The following PARG variants were observed in gnomAD, a reference collection of about 807,000 sequenced individuals.
PARG encodes the protein poly(ADP-ribose) glycohydrolase, also known as mitochondrial poly(ADP-ribose) glycohydrolase.
A neutral mutation model predicts 113.0 loss-of-function variants in PARG; 35 were observed. The ratio of observed to expected loss-of-function variants is 0.31; its 90% CI spans 0.24 to 0.41. PARG has a LOEUF of 0.41. Among genes scored for constraint, PARG ranks in the 10% least tolerant of loss-of-function variants. PARG has a pLI of 1.00. For synonymous variants in PARG, 330 were observed against 409.9 expected (o/e 0.81, Z 2.36); for missense variants, 797 against 1,169.4 (o/e 0.68, Z 4.64).
rs1423218939 is a variant in PARG at position 49,915,787 on chromosome 10, T to G, written c.1737+130A>C. On this transcript the variant is annotated intron_variant, in intron 7 of 17. Transcript: ENST00000616448. Reference sequence around the variant, plus strand: ...TAATTGTATTTACCTAAAACATACATATAAAATAACAGCAAATTTATAAAA... The same window carrying G: ...TAATTGTATTTACCTAAAACATACAGATAAAATAACAGCAAATTTATAAAA... The G allele has an allele frequency of 1.2e-3, 725 of 610,012 alleles. 2 individuals are homozygous for G. The highest frequency in any genetic ancestry group is 1.9e-3 in the Non-Finnish European group (650 of 337,544). The allele number at this position is 610,012 out of a possible 1,614,324, so 37.8% of individuals were successfully genotyped here.
At chr10:49,901,338 T>G (rs183388971) in intron 7 of PARG, among the ~76,000 whole-genome samples, 1,756 of 151,748 alleles carry the variant, frequency 0.012, 32 homozygotes, top group African/African-American at 0.039. Flanking sequence ...GGTCTTGAAC[T>G]CCTGGGCTCA....
At chr10:49,830,792 T>G (rs190383500) in intron 16 of PARG, among the ~76,000 whole-genome samples, 27 of 152,272 alleles carry the variant, frequency 1.8e-4, no homozygotes, top group Non-Finnish European at 5.9e-5. Context: ...CAGAGTGAAA[T>G]CTACAAGGAT....
chr10:49,882,443 A>T (rs574900357), intron 8 of PARG, among the ~76,000 whole-genome samples: 1 of 152,138 alleles, frequency 6.6e-6, no homozygotes, highest in East Asian at 1.9e-4. Context: ...CTTTCACAGC[A>T]GAGATTGACT....
intron 1 of PARG, among the ~76,000 whole-genome samples, chr10:49,939,312 C>G (rs1311079704): frequency 6.6e-6 from 1 of 152,226 alleles, no homozygotes; most frequent in Non-Finnish European, 1.5e-5. Context: ...GTCTCCCTGT[C>G]TACAGCCTTG....
In PARG at chr10:49,832,749, A is replaced by G; in HGVS notation, c.2647+54T>C. 4.1e-6 allele frequency: 4 copies of G among 974,476 alleles called. No individual in the cohort carries two copies. In the Admixed American group the frequency reaches 9.4e-5, roughly 23 times the overall value. The allele number at this position is 974,476 out of a possible 1,614,324, so 60.4% of individuals were successfully genotyped here. A position where few individuals can be genotyped will look rare whatever the true frequency, so the allele number is the denominator to read the frequency against. On this transcript the variant is annotated intron_variant, in intron 16 of 17. Coordinates refer to ENST00000616448, the MANE Select transcript of PARG (RefSeq NM_003631.5). The stretch of plus-strand genomic sequence containing the variant: ...GGACATGAGAAATCTGGTTTGAAGG[A>G]CTAACTTTTTTTGTGTGGGCAGAAT...
At chr10:49,889,637 G>A (rs1297561596) in intron 7 of PARG, among the ~76,000 whole-genome samples, 1 of 152,206 alleles carries the variant, frequency 6.6e-6, no homozygotes, top group African/African-American at 2.4e-5. Context: ...GGGAAGGACA[G>A]AGAGAAGTGC....
chr10:49,924,786 A>G (rs2132917316), intron 4 of PARG, among the ~76,000 whole-genome samples: 1 of 152,160 alleles, frequency 6.6e-6, no homozygotes, highest in East Asian at 1.9e-4. Context: ...AAACGGAAGT[A>G]TTTTACCCCA....
intron 2 of PARG, among the ~76,000 whole-genome samples, chr10:49,934,726 G>A (rs1838663527): frequency 1.3e-5 from 2 of 151,920 alleles, no homozygotes; most frequent in Non-Finnish European, 2.9e-5. Context: ...GTGGGCGCCT[G>A]TAGTCCCAGC....
At chr10:49,921,034 T>C (rs1237914345) in intron 6 of PARG, among the ~76,000 whole-genome samples, 1 of 152,026 alleles carries the variant, frequency 6.6e-6, no homozygotes, top group Non-Finnish European at 1.5e-5. Flanking sequence ...GGGAAGAATA[T>C]ATGGATAGGG....
rs1270139755 is a variant in PARG at position 49,900,786 on chromosome 10, G to A, written c.1737+15131C>T. On this transcript the variant is annotated intron_variant, in intron 7 of 17. Coordinates refer to ENST00000616448, the MANE Select transcript of PARG (RefSeq NM_003631.5). Reference sequence around the variant, plus strand: ...CTATTTCTCACTTCTATTACTGTACGACTACATGGCCATATCCATCAATCA... The same window carrying A: ...CTATTTCTCACTTCTATTACTGTACAACTACATGGCCATATCCATCAATCA... Among the ~76,000 whole-genome samples, 17 of 151,418 alleles carry A rather than the reference G, an allele frequency of 1.1e-4. 1 individual carries two copies. The highest frequency in any genetic ancestry group is 4.1e-4 in the African/African-American group (17 of 41,354).
At chr10:49,847,142 G>C (rs1273711371) in intron 13 of PARG, among the ~76,000 whole-genome samples, 4 of 151,588 alleles carry the variant, frequency 2.6e-5, no homozygotes, top group Non-Finnish European at 4.4e-5. Context: ...CACAAATAAG[G>C]AAAAAGGGAA....
At chr10:49,888,245 A>G (rs1554840796) in intron 7 of PARG, among the ~76,000 whole-genome samples, 1 of 151,506 alleles carries the variant, frequency 6.6e-6, no homozygotes, top group Non-Finnish European at 1.5e-5. Flanking sequence ...CAGTGAAAAA[A>G]GTCAAACATA....
chr10:49,934,757 G>A (rs1253022544), intron 2 of PARG, among the ~76,000 whole-genome samples: 2 of 151,812 alleles, frequency 1.3e-5, no homozygotes, highest in African/African-American at 4.8e-5. Context: ...GCTGAGGCAG[G>A]AGAATGGCGT....
At chr10:49,929,662 T>C (rs1838390934) in intron 4 of PARG, among the ~76,000 whole-genome samples, 3 of 152,130 alleles carry the variant, frequency 2.0e-5, no homozygotes, top group Admixed American at 2.0e-4. Flanking sequence ...ACCCCGTCTC[T>C]ACTAAAATAC....
In PARG at chr10:49,941,780, A is replaced by T; in HGVS notation, c.-55T>A. The stretch of plus-strand genomic sequence containing the variant: ...CCGGCCCGGGCGGAGAGCCTCATTC[A>T]CTAACCCTGAGAGAGATGGACTGCG... On this transcript the variant is annotated 5_prime_UTR_variant, in exon 1 of 18. Transcript: ENST00000616448. 1 of 1,539,414 alleles carries T rather than the reference A, an allele frequency of 6.5e-7. No homozygotes were observed. Among genetic ancestry groups the T allele is most frequent in the South Asian group, 1.2e-5 (1 of 83,772 alleles).
chr10:49,846,085 C>A (rs1845492277), intron 13 of PARG, among the ~76,000 whole-genome samples: 1 of 150,802 alleles, frequency 6.6e-6, no homozygotes, highest in South Asian at 2.1e-4. Flanking sequence ...TGGAAACAAT[C>A]CAACTATTGA....
rs191191288 is a variant in PARG, at chr10:49,894,380, C to T, written c.1738-9085G>A. On this transcript the variant is annotated intron_variant, in intron 7 of 17. Coordinates refer to ENST00000616448, the MANE Select transcript of PARG (RefSeq NM_003631.5). ...CTTGCCTATTTTCCTAATGTCTTTT[C>T]GTCACAAGTATTTATAAGTTTTTTT... 4.8e-4 allele frequency among the ~76,000 whole-genome samples: 73 copies of T among 152,112 alleles called. No homozygotes were observed. The East Asian group carries it at 5.0e-3, about 10-fold the overall frequency.
intron 13 of PARG, among the ~76,000 whole-genome samples, chr10:49,856,578 T>A (rs543856147): frequency 6.6e-6 from 1 of 152,244 alleles, no homozygotes; most frequent in Admixed American, 6.5e-5. Context: ...ATTTACACAA[T>A]GTCTTCATAC....
chr10:49,858,258 T>C (rs1192146790), intron 12 of PARG, among the ~76,000 whole-genome samples: 3 of 127,840 alleles, frequency 2.3e-5, no homozygotes, highest in Non-Finnish European at 3.3e-5. Context: ...TCCAGCACTA[T>C]GCCAGCCTCA....
Sources: allele counts gnomAD v4.1 joint callset (sites outside exome capture counted in the v4.1 genomes callset), GRCh38; gene constraint gnomAD v4.1.1; transcripts MANE v1.5; gene names NCBI Gene and HGNC (gene_info 2026-07-23, HGNC 2026-07-21).